Variants in CHCHD7 observed in about 807,000 individuals in gnomAD.
CHCHD7 encodes the protein coiled-coil-helix-coiled-coil-helix domain containing 7.
Under a neutral mutation model 10.5 loss-of-function variants are expected in CHCHD7, and 7 were observed. The observed-to-expected ratio is 0.67, with a 90% CI of 0.38 to 1.25. The LOEUF (loss-of-function observed/expected upper bound fraction) is 1.25. CHCHD7 is among the 50% of genes most tolerant of loss of function. The pLI, the probability that CHCHD7 is intolerant of heterozygous loss-of-function variation, is 0.02. For missense variants in CHCHD7, 100 were observed against 104.5 expected, an observed-to-expected ratio of 0.96 and a Z score of 0.19; for synonymous variants, 40 against 36.0, an observed-to-expected ratio of 1.11 and a Z score of -0.40.
intron 1 of CHCHD7, chr8:56,212,948 T>C (rs368479648): frequency 7.9e-6 from 10 of 1,258,528 alleles, no homozygotes; most frequent in South Asian, 1.2e-5. Context: ...CAATAAAATA[T>C]AGAGTAGGAT....
chr8:56,214,999 AT>A lies in CHCHD7; in HGVS notation c.54+334del, dbSNP rs532177268. The A allele has an allele frequency of 4.9e-5, 10 of 204,716 alleles. No individual in the cohort carries two copies. The South Asian group carries it at 1.0e-3, about 21-fold the overall frequency. The allele number at this position is 204,716 out of a possible 1,614,324, so 12.7% of individuals were successfully genotyped here. A position where few individuals can be genotyped will look rare whatever the true frequency, so the allele number is the denominator to read the frequency against. On this transcript the variant is annotated intron_variant, in intron 2 of 3. Coordinates refer to ENST00000355315, the MANE Select transcript of CHCHD7 (RefSeq NM_001011671.3). The stretch of plus-strand genomic sequence containing the variant: ...TATTTTTAAACTGTCACTGACATTT[AT>A]TGTTTCACTAGCAATAATATCACCA...
At position 56,217,370 on chromosome 8, in the gene CHCHD7, C is replaced by T. The variant is rs1361463665; in HGVS notation, c.193C>T (p.Pro65Ser). 1.2e-6 allele frequency: 2 copies of T among 1,612,650 alleles called. No homozygotes were observed. Among genetic ancestry groups the T allele is most frequent in the Admixed American group, 3.3e-5 (2 of 60,018 alleles). ...VMQRRKNGVK[P>S]FMPTAAERDE... ...GCAGAGAAGAAAGAACGGAGTGAAGCCATTTATGCCTACGGCAGCAGAAAG... is the reference window on the plus strand; with the variant it reads ...GCAGAGAAGAAAGAACGGAGTGAAGTCATTTATGCCTACGGCAGCAGAAAG... The change falls in exon 4 of 4, where the codon CCA becomes TCA. Residue 65 changes from proline (P) to serine (S), a missense_variant. By Grantham distance (74) the Pro-to-Ser change is moderately conservative (BLOSUM62 -1). Coordinates refer to ENST00000355315, the MANE Select transcript of CHCHD7 (RefSeq NM_001011671.3).
rs1357539051 is a variant in CHCHD7, at chr8:56,218,699, G to A, written c.*1264G>A. The A allele has an allele frequency of 5.0e-6, 1 of 201,160 alleles. No individual in the cohort carries two copies. Among genetic ancestry groups the A allele is most frequent in the Non-Finnish European group, 1.0e-5 (1 of 97,878 alleles). The allele number at this position is 201,160 out of a possible 1,614,324, so 12.5% of individuals were successfully genotyped here. ...AAAGAATGAATGCCTACCTGTGTAA[G>A]AAGTATTTTTGTATTTTTAAGCACA... On this transcript the variant is annotated 3_prime_UTR_variant, in exon 4 of 4. Coordinates refer to ENST00000355315, the MANE Select transcript of CHCHD7 (RefSeq NM_001011671.3).
chr8:56,215,977 C>T (rs915242306), intron 2 of CHCHD7, among the ~76,000 whole-genome samples: 2 of 152,124 alleles, frequency 1.3e-5, no homozygotes, highest in Non-Finnish European at 2.9e-5. Flanking sequence ...TGTTGTAGAC[C>T]AGTTATTAGT....
In CHCHD7 at chr8:56,214,592, C is replaced by T. The variant is rs1813229441; in HGVS notation, c.-16-6C>T. ...GTATAATTATTTTTTTTCTGTCTAC[C>T]CTCAGTAAGAAGACTGTTAGAATGC... is the stretch of plus-strand genomic sequence containing the variant. On this transcript the variant is annotated splice_polypyrimidine_tract_variant and splice_region_variant and intron_variant, in intron 1 of 3. Coordinates refer to ENST00000355315, the MANE Select transcript of CHCHD7 (RefSeq NM_001011671.3). The T allele has an allele frequency of 1.9e-6, 3 of 1,604,934 alleles. No individual in the cohort carries two copies. Among genetic ancestry groups the T allele is most frequent in the Non-Finnish European group, 2.6e-6 (3 of 1,172,902 alleles).
intron 3 of CHCHD7, 189 bp downstream of exon 3, chr8:56,216,720 G>C (rs1585859326): frequency 1.4e-6 from 1 of 724,118 alleles, no homozygotes; most frequent in South Asian, 1.5e-5. Flanking sequence ...CTGCCTCGTC[G>C]TCCTCTAAGC....
chr8:56,214,431 A>C (rs1813216789), intron 1 of CHCHD7, 167 bp from the exon 2 acceptor site: 1 of 514,882 alleles, frequency 1.9e-6, no homozygotes. Context: ...TACAAAGGAA[A>C]AACACGTTCA....
rs570585005 is a variant in CHCHD7 at position 56,211,827 on chromosome 8, G to C, written c.-27G>C. ...GAGACGGCCTGGGTGCTGGCGAAGC[G>C]GAGGCCGGAGGTGAGTGGTTCCCCC... is the stretch of plus-strand genomic sequence containing the variant. On this transcript the variant is annotated 5_prime_UTR_variant, in exon 1 of 4. Transcript: ENST00000355315. 1 of 152,928 alleles carries C rather than the reference G, an allele frequency of 6.5e-6. No individual in the cohort carries two copies. The highest frequency in any genetic ancestry group is 1.5e-5 in the Non-Finnish European group (1 of 68,640). 9.5% of individuals were successfully genotyped at this position (152,928 alleles called of 1,614,324 possible).
At position 56,218,146 on chromosome 8, in the gene CHCHD7, T is replaced by A. The variant is rs1254583864; in HGVS notation, c.*711T>A. Reference sequence around the variant, plus strand: ...TGGGTTGCCTTCTGCAGCTGTAGTATCAGTTTTTGAACCACAGTAATGGGA... The same window carrying A: ...TGGGTTGCCTTCTGCAGCTGTAGTAACAGTTTTTGAACCACAGTAATGGGA... On this transcript the variant is annotated 3_prime_UTR_variant, in exon 4 of 4. Coordinates refer to ENST00000355315, the MANE Select transcript of CHCHD7 (RefSeq NM_001011671.3). The A allele has an allele frequency of 4.8e-5, 11 of 227,914 alleles. No homozygotes were observed. The highest frequency in any genetic ancestry group is 7.8e-5 in the Non-Finnish European group (9 of 114,900). 14.1% of individuals were successfully genotyped at this position (227,914 alleles called of 1,614,324 possible). A position where few individuals can be genotyped will look rare whatever the true frequency, so the allele number is the denominator to read the frequency against.
intron 2 of CHCHD7, 73 bp from the exon 3 acceptor site, chr8:56,216,360 C>A (rs1813341230): frequency 6.3e-7 from 1 of 1,590,430 alleles, no homozygotes; most frequent in Non-Finnish European, 8.6e-7. Context: ...GGGGAAGCAG[C>A]TTTTGTTTGT....
chr8:56,216,978 G>T, intron 3 of CHCHD7: 1 of 430,900 alleles, frequency 2.3e-6, no homozygotes, highest in Admixed American at 3.8e-5. Flanking sequence ...TGAACCACGG[G>T]ATCCAGCTAT....
intron 2 of CHCHD7, chr8:56,215,125 T>TA (rs1236468076): frequency 6.5e-6 from 1 of 154,710 alleles, no homozygotes; most frequent in Admixed American, 6.4e-5. Flanking sequence ...CAAAATGTTT[T>TA]AAGAGTAAGC....
chr8:56,217,361 G>A lies in CHCHD7; in HGVS notation c.184G>A (p.Gly62Arg), dbSNP rs1199833241. The part of the protein sequence containing the change: ...NSIVMQRRKN[G>R]VKPFMPTAAE... ...TATCGTGATGCAGAGAAGAAAGAAC[G>A]GAGTGAAGCCATTTATGCCTACGGC... Residue 62 changes from glycine (G) to arginine (R), a missense_variant, in exon 4 of 4, where the codon GGA (glycine) becomes AGA (arginine). Transcript: ENST00000355315. 2 of 1,612,206 alleles carry A rather than the reference G, an allele frequency of 1.2e-6. No individual in the cohort carries two copies. Among genetic ancestry groups the A allele is most frequent in the Non-Finnish European group, 1.7e-6 (2 of 1,178,352 alleles).
intron 1 of CHCHD7, chr8:56,212,977 A>G: frequency 1.0e-6 from 1 of 968,848 alleles, no homozygotes; most frequent in Middle Eastern, 2.5e-4. Flanking sequence ...GTAAGGCACG[A>G]AACTTAAATT....
chr8:56,216,148 A>C (rs1388706183), intron 2 of CHCHD7, among the ~76,000 whole-genome samples: 1 of 152,226 alleles, frequency 6.6e-6, no homozygotes, highest in East Asian at 1.9e-4. Context: ...GTTTCTTACT[A>C]AAATGGTTAC....
chr8:56,218,382 T>C lies in CHCHD7; in HGVS notation c.*947T>C, dbSNP rs776951575. On this transcript the variant is annotated 3_prime_UTR_variant, in exon 4 of 4. Coordinates refer to ENST00000355315, the MANE Select transcript of CHCHD7 (RefSeq NM_001011671.3). ...ATGCCCACTGCCTTTTAGAATCGTTTGTTTTATTCATGGTAGTTTTATGAA... is the reference window on the plus strand; with the variant it reads ...ATGCCCACTGCCTTTTAGAATCGTTCGTTTTATTCATGGTAGTTTTATGAA... The C allele has an allele frequency of 4.4e-6, 1 of 225,368 alleles. No homozygotes were observed. The highest frequency in any genetic ancestry group is 8.8e-6 in the Non-Finnish European group (1 of 113,306). The allele number at this position is 225,368 out of a possible 1,614,324, so 14.0% of individuals were successfully genotyped here.
chr8:56,214,534 T>G, intron 1 of CHCHD7, 64 bp from the exon 2 acceptor site: 16 of 1,210,944 alleles, frequency 1.3e-5, no homozygotes, highest in South Asian at 2.6e-5. Context: ...TTAGTGCTAT[T>G]GAGATGTATT....
In CHCHD7 at chr8:56,214,590, ACCC is replaced by A. The variant is rs1563407075; in HGVS notation, c.-16-7_-16-5del. The A allele has an allele frequency of 1.9e-6, 3 of 1,605,494 alleles. No homozygotes were observed. ...CTGTATAATTATTTTTTTTCTGTCT[ACCC>A]TCAGTAAGAAGACTGTTAGAATGCC... On this transcript the variant is annotated splice_polypyrimidine_tract_variant and splice_region_variant and intron_variant, in intron 1 of 3. Transcript: ENST00000355315.
intron 1 of CHCHD7, chr8:56,212,754 A>C: frequency 1.3e-6 from 1 of 771,416 alleles, no homozygotes; most frequent in South Asian, 1.5e-5. Context: ...TTTCCTCTTC[A>C]ATTCCAGTTA....
Sources: gnomAD v4.1 joint callset for allele counts (sites outside exome capture counted in the v4.1 genomes callset) on GRCh38, gnomAD v4.1.1 for gene constraint, MANE v1.5 for transcripts, NCBI Gene and HGNC (gene_info 2026-07-23, HGNC 2026-07-21) for gene names.